The following EXOC4 variants were observed in gnomAD, a reference collection of about 807,000 sequenced individuals.
EXOC4 encodes the protein exocyst complex component 4.
In EXOC4, 71 loss-of-function variants were observed where a neutral mutation model predicts 107.2. That is an observed-to-expected ratio of 0.66 (90% CI 0.55 to 0.81). The LOEUF is 0.81. Ranked by LOEUF, EXOC4 falls within the 30% of genes least tolerant of loss-of-function variation. The pLI is 0.00. For missense variants in EXOC4, 1,108 were observed against 1,189.6 expected, an observed-to-expected ratio of 0.93 and a Z score of 1.01; for synonymous variants, 456 against 441.2, an observed-to-expected ratio of 1.03 and a Z score of -0.42.
At chr7:133,932,930 G>C (rs985608120) in intron 13 of EXOC4, among the ~76,000 whole-genome samples, 2 of 152,110 alleles carry the variant, frequency 1.3e-5, no homozygotes, top group Non-Finnish European at 2.9e-5. Context: ...GAGAGAGAGA[G>C]AGAGGGAGAG....
intron 9 of EXOC4, among the ~76,000 whole-genome samples, chr7:133,581,235 T>A (rs187565667): frequency 6.6e-6 from 1 of 152,308 alleles, no homozygotes; most frequent in Admixed American, 6.5e-5. Context: ...CTGAGAACCT[T>A]ATTTGACAGC....
At chr7:133,491,958 A>G (rs1799380085) in intron 9 of EXOC4, among the ~76,000 whole-genome samples, 1 of 152,186 alleles carries the variant, frequency 6.6e-6, no homozygotes, top group African/African-American at 2.4e-5. Flanking sequence ...CATAAAGTGT[A>G]TGGGGAAGAT....
chr7:133,580,106 T>C (rs1801220131), intron 9 of EXOC4, among the ~76,000 whole-genome samples: 1 of 152,258 alleles, frequency 6.6e-6, no homozygotes, highest in Non-Finnish European at 1.5e-5. Context: ...TCTCAAAGTT[T>C]ATCCATGTGA....
chr7:134,042,337 T>C (rs1184311183), intron 17 of EXOC4, among the ~76,000 whole-genome samples: 1 of 152,216 alleles, frequency 6.6e-6, no homozygotes, highest in African/African-American at 2.4e-5. Flanking sequence ...TAAAGCTTTT[T>C]AATACAATAA....
At chr7:134,057,453 T>C (rs986746549) in intron 17 of EXOC4, among the ~76,000 whole-genome samples, 3 of 152,202 alleles carry the variant, frequency 2.0e-5, no homozygotes, top group African/African-American at 7.2e-5. Context: ...TTTCTCCACC[T>C]TAGTTTTCTC....
At chr7:134,020,051 T>G (rs1019626103) in intron 17 of EXOC4, among the ~76,000 whole-genome samples, 2 of 152,136 alleles carry the variant, frequency 1.3e-5, no homozygotes, top group African/African-American at 4.8e-5. Flanking sequence ...CCGAGACCAC[T>G]CTCTCAGAAT....
At chr7:133,274,776 A>G (rs1403059365) in intron 1 of EXOC4, among the ~76,000 whole-genome samples, 3 of 152,204 alleles carry the variant, frequency 2.0e-5, no homozygotes, top group Non-Finnish European at 2.9e-5. Context: ...GGCCCCTTGG[A>G]TAGGCAACTA....
At chr7:133,253,286 CT>C in intron 1 of EXOC4, 99 bp downstream of exon 1, 2 of 1,252,882 alleles carry the variant, frequency 1.6e-6, no homozygotes. Context: ...CTGCTCTCCC[CT>C]TTCCTCCTTG....
chr7:134,002,017 C>T (rs1794540877), intron 15 of EXOC4, among the ~76,000 whole-genome samples: 1 of 152,196 alleles, frequency 6.6e-6, no homozygotes, highest in African/African-American at 2.4e-5. Flanking sequence ...ATTTCAACCA[C>T]AGTAGCAATC....
chr7:133,972,864 C>T (rs1801274010), intron 14 of EXOC4, among the ~76,000 whole-genome samples: 1 of 152,158 alleles, frequency 6.6e-6, no homozygotes, highest in Non-Finnish European at 1.5e-5. Context: ...GGTCTGTCCC[C>T]TGTGTCACTC....
At chr7:133,556,813 G>A (rs1425561309) in intron 9 of EXOC4, among the ~76,000 whole-genome samples, 2 of 152,144 alleles carry the variant, frequency 1.3e-5, no homozygotes, top group African/African-American at 4.8e-5. Context: ...CTAAGGGCTT[G>A]ATCTTCGGGG....
chr7:133,917,843 G>A lies in EXOC4; in HGVS notation c.2027+105G>A, dbSNP rs1799845874. On this transcript the variant is annotated intron_variant, in intron 13 of 17. Transcript: ENST00000253861. Reference sequence around the variant, plus strand: ...TTAGGCAAATTCTAAAAATCAAGCAGCAATTACTTGAACTTAGTAAAATAT... The same window carrying A: ...TTAGGCAAATTCTAAAAATCAAGCAACAATTACTTGAACTTAGTAAAATAT... 2.8e-6 allele frequency: 3 copies of A among 1,084,454 alleles called. No individual in the cohort carries two copies. The African/African-American group carries it at 4.8e-5, about 17-fold the overall frequency. The allele number at this position is 1,084,454 out of a possible 1,614,324, so 67.2% of individuals were successfully genotyped here.
At chr7:133,610,645 G>C (rs1018091862) in intron 9 of EXOC4, among the ~76,000 whole-genome samples, 3 of 151,726 alleles carry the variant, frequency 2.0e-5, no homozygotes, top group African/African-American at 7.3e-5. Context: ...CTTGAATAGA[G>C]CTCTAAATCT....
chr7:133,896,637 CTATTT>C (rs1211637031), intron 12 of EXOC4, among the ~76,000 whole-genome samples: 1 of 148,962 alleles, frequency 6.7e-6, no homozygotes, highest in African/African-American at 2.5e-5. Flanking sequence ...CAGTTGCCCC[CTATTT>C]TATTTTATTT....
chr7:133,823,457 CCT>C (rs1797573530), intron 11 of EXOC4, among the ~76,000 whole-genome samples: 1 of 151,976 alleles, frequency 6.6e-6, no homozygotes, highest in South Asian at 2.1e-4. Context: ...AGAATTTGTA[CCT>C]CTGTCCTTGA....
chr7:133,686,992 TTTGTGTGTG>T (rs1554384656), intron 10 of EXOC4, among the ~76,000 whole-genome samples: 1 of 40,706 alleles, frequency 2.5e-5, no homozygotes, highest in Non-Finnish European at 5.2e-5. Flanking sequence ...GATAAAGAAT[TTTGTGTGTG>T]TGTGTGTGTG....
In EXOC4 at chr7:133,644,123, A is replaced by G. The variant is rs191071800; in HGVS notation, c.1514+13982A>G. ...TTTGATTCTCTGTTTTTATAATTCA[A>G]ATTAGTCTTTTGTCCATTTGACCTA... On this transcript the variant is annotated intron_variant, in intron 10 of 17. Coordinates refer to ENST00000253861, the MANE Select transcript of EXOC4 (RefSeq NM_021807.4). Among the ~76,000 whole-genome samples the G allele has an allele frequency of 2.1e-3, 327 of 152,306 alleles. 1 individual carries two copies. Among genetic ancestry groups the G allele is most frequent in the African/African-American group, 7.2e-3 (299 of 41,566 alleles).
rs57928343 is a variant in EXOC4 at position 133,964,141 on chromosome 7, G to A, written c.2206+26072G>A. On this transcript the variant is annotated intron_variant, in intron 14 of 17. Transcript: ENST00000253861. ...TTAAGTTCTTAGAAAAATAGGCAGT[G>A]TGTAAGTCTTTGGGGAAGAAAGTAA... Among the ~76,000 whole-genome samples, 185 of 152,258 alleles carry A rather than the reference G, an allele frequency of 1.2e-3. 1 individual carries two copies. The highest frequency in any genetic ancestry group is 4.2e-3 in the African/African-American group (174 of 41,536).
chr7:133,578,147 C>T (rs567598339), intron 9 of EXOC4, among the ~76,000 whole-genome samples: 1 of 152,092 alleles, frequency 6.6e-6, no homozygotes, highest in African/African-American at 2.4e-5. Flanking sequence ...GTGATTGCAA[C>T]ATTGCTTTTC....
Sources: allele counts gnomAD v4.1 joint callset (sites outside exome capture counted in the v4.1 genomes callset), GRCh38; gene constraint gnomAD v4.1.1; transcripts MANE v1.5; gene names NCBI Gene and HGNC (gene_info 2026-07-23, HGNC 2026-07-21).